The following DSCAML1 variants were observed in gnomAD, a reference collection of about 807,000 sequenced individuals.
DSCAML1 encodes cell adhesion molecule DSCAML1.
A neutral mutation model predicts 200.5 loss-of-function variants in DSCAML1; 38 were observed. That is an observed-to-expected ratio of 0.19 (90% confidence interval 0.15 to 0.25). The LOEUF (loss-of-function observed/expected upper bound fraction) is 0.25. Among genes scored for constraint, DSCAML1 ranks in the 10% least tolerant of loss-of-function variants. DSCAML1 has a pLI of 1.00. For synonymous variants in DSCAML1, 1,215 were observed against 1,165.0 expected, an observed-to-expected ratio of 1.04 and a Z score of -0.87; for missense variants, 2,223 against 2,858.8, an observed-to-expected ratio of 0.78 and a Z score of 5.07.
chr11:117,587,614 C>T (rs956285687), intron 3 of DSCAML1, among the ~76,000 whole-genome samples: 1 of 152,166 alleles, frequency 6.6e-6, no homozygotes, highest in African/African-American at 2.4e-5. Flanking sequence ...CTGGAGCCCC[C>T]GCTGCCTTGC....
chr11:117,577,403 CCCTCCCTCCTTT>C (rs1484676443), intron 3 of DSCAML1, among the ~76,000 whole-genome samples: 2 of 142,444 alleles, frequency 1.4e-5, no homozygotes, highest in Admixed American at 1.4e-4. Context: ...CTCCCTCCCT[CCCTCCCTCCTTT>C]CCTCCTTTCC....
rs191132129 is a variant in DSCAML1, at chr11:117,777,944, T to C, written c.365-1007A>G. Among the ~76,000 whole-genome samples the C allele has an allele frequency of 1.3e-3, 205 of 152,198 alleles. 1 individual carries two copies. The highest frequency in any genetic ancestry group is 4.7e-3 in the African/African-American group (197 of 41,526). On this transcript the variant is annotated intron_variant, in intron 2 of 32. Coordinates refer to ENST00000651296, the MANE Select transcript of DSCAML1 (RefSeq NM_020693.4). ...CTGGAACATCCAGAGCCCTGCTGCC[T>C]CCCGACCTTGTCCCTCAGCAGGCAC...
intron 3 of DSCAML1, among the ~76,000 whole-genome samples, chr11:117,640,910 T>G (rs2052393265): frequency 6.6e-6 from 1 of 152,250 alleles, no homozygotes; most frequent in Admixed American, 6.5e-5. Flanking sequence ...TTTGTGTGCA[T>G]GTGTGTACAT....
At chr11:117,799,735 G>A (rs2055639359), upstream of DSCAML1, among the ~76,000 whole-genome samples, 1 of 152,236 alleles carries the variant, frequency 6.6e-6, no homozygotes, top group Admixed American at 6.5e-5. Flanking sequence ...ATGTATGTGT[G>A]CCAAGCTGCA....
At chr11:117,626,416 G>T (rs2052048532) in intron 3 of DSCAML1, among the ~76,000 whole-genome samples, 1 of 152,178 alleles carries the variant, frequency 6.6e-6, no homozygotes. Flanking sequence ...GCTTTCAGGG[G>T]TGCTCCACTC....
At chr11:117,650,839 G>C (rs1050835772) in intron 3 of DSCAML1, among the ~76,000 whole-genome samples, 2 of 152,162 alleles carry the variant, frequency 1.3e-5, no homozygotes, top group Non-Finnish European at 1.5e-5. Context: ...ATCTGGTGCT[G>C]AGCCCAAAGG....
rs566658024 is a variant in DSCAML1, at chr11:117,563,691, G to A, written c.512-31169C>T. 1.1e-3 allele frequency among the ~76,000 whole-genome samples: 162 copies of A among 152,252 alleles called. No homozygotes were observed. The Middle Eastern group carries it at 0.037, about 35-fold the overall frequency. On this transcript the variant is annotated intron_variant, in intron 3 of 32. Coordinates refer to ENST00000651296, the MANE Select transcript of DSCAML1 (RefSeq NM_020693.4). ...GTGTTGTAAGTGGTGGGGAGAAGAC[G>A]AGAACTATTATAATGGACCTCAAAG...
intron 1 of DSCAML1, among the ~76,000 whole-genome samples, chr11:117,809,748 T>C (rs1386586793): frequency 1.3e-5 from 2 of 152,116 alleles, no homozygotes; most frequent in Non-Finnish European, 2.9e-5. Context: ...GCGCTCCAGA[T>C]GCTAGGTCCA....
intron 3 of DSCAML1, among the ~76,000 whole-genome samples, chr11:117,762,754 T>C (rs940969108): frequency 3.3e-5 from 5 of 151,858 alleles, no homozygotes; most frequent in African/African-American, 1.2e-4. Context: ...CCCCAGATGC[T>C]GTGGAGGCTG....
chr11:117,549,889 G>A (rs1448201972), intron 3 of DSCAML1, among the ~76,000 whole-genome samples: 2 of 152,208 alleles, frequency 1.3e-5, no homozygotes, highest in Non-Finnish European at 2.9e-5. Flanking sequence ...GAGCTTATCA[G>A]TAAAGGTAGA....
At chr11:117,632,227 C>G (rs116979369) in intron 3 of DSCAML1, among the ~76,000 whole-genome samples, 3 of 152,192 alleles carry the variant, frequency 2.0e-5, no homozygotes, top group Admixed American at 6.5e-5. Flanking sequence ...TCTCCTAAAG[C>G]CTCCTTATCA....
chr11:117,634,213 G>A (rs1185087740), intron 3 of DSCAML1, among the ~76,000 whole-genome samples: 1 of 152,198 alleles, frequency 6.6e-6, no homozygotes, highest in Non-Finnish European at 1.5e-5. Context: ...GTGTAGGAGA[G>A]TGTGGACGGG....
chr11:117,711,419 A>G (rs11216511), intron 3 of DSCAML1, among the ~76,000 whole-genome samples: 1 of 152,228 alleles, frequency 6.6e-6, no homozygotes, highest in African/African-American at 2.4e-5. Flanking sequence ...GTGGCTTGAT[A>G]AACTAACTCA....
At chr11:117,558,027 A>G (rs2050590214) in intron 3 of DSCAML1, among the ~76,000 whole-genome samples, 2 of 152,214 alleles carry the variant, frequency 1.3e-5, no homozygotes, top group East Asian at 3.9e-4. Context: ...CAAAATGTCA[A>G]TGATGGACAT....
At chr11:117,794,450 A>T (rs1193621271) in intron 1 of DSCAML1, among the ~76,000 whole-genome samples, 1 of 152,154 alleles carries the variant, frequency 6.6e-6, no homozygotes, top group African/African-American at 2.4e-5. Context: ...CATCATAAAA[A>T]AAAGGTATTT....
chr11:117,505,790 A>G lies in DSCAML1; in HGVS notation c.1784-58T>C. ...CCTGTGCATTCTCACCTGGCCGCCA[A>G]CGCCGCCTCACCTGCCTTACCTGGG... On this transcript the variant is annotated intron_variant, in intron 8 of 32. Transcript: ENST00000651296. The surrounding 1 kb of genome is among the most constrained non-coding windows in gnomAD (Gnocchi z 6.7). 1 of 1,548,354 alleles carries G rather than the reference A, an allele frequency of 6.5e-7. No homozygotes were observed. The highest frequency in any genetic ancestry group is 1.2e-5 in the South Asian group (1 of 82,530).
At chr11:117,487,563 C>T (rs1592655417) in intron 11 of DSCAML1, among the ~76,000 whole-genome samples, 3 of 152,302 alleles carry the variant, frequency 2.0e-5, no homozygotes, top group South Asian at 4.2e-4. Context: ...GAAGGGTGGG[C>T]GGCCCGGTAT....
intron 5 of DSCAML1, among the ~76,000 whole-genome samples, chr11:117,521,750 C>T (rs2049890816): frequency 6.9e-6 from 1 of 145,534 alleles, no homozygotes; most frequent in African/African-American, 2.6e-5. Flanking sequence ...CCCCGCCACC[C>T]ACCTCAGAAA....
At chr11:117,559,911 G>A (rs1192816995) in intron 3 of DSCAML1, among the ~76,000 whole-genome samples, 1 of 152,166 alleles carries the variant, frequency 6.6e-6, no homozygotes, top group Non-Finnish European at 1.5e-5. Context: ...TAGAGTTGGG[G>A]GGAGGGGCAA....
Sources: gnomAD v4.1 joint callset for allele counts (sites outside exome capture counted in the v4.1 genomes callset) on GRCh38, gnomAD v4.1.1 for gene constraint, Gnocchi (gnomAD v3.1) non-coding constraint, MANE v1.5 for transcripts, NCBI Gene and HGNC (gene_info 2026-07-23, HGNC 2026-07-21) for gene names.